CAPN9: variants seen among roughly 807,000 people sequenced by gnomAD.
CAPN9 encodes calpain-9.
In CAPN9, 81 loss-of-function variants were observed where a neutral mutation model predicts 92.8. That is an observed-to-expected ratio of 0.87 (90% CI 0.73 to 1.05). The LOEUF (loss-of-function observed/expected upper bound fraction) is 1.05. Ranked by LOEUF, CAPN9 falls within the 50% of genes least tolerant of loss-of-function variation. The probability of loss-of-function intolerance (pLI) is 0.00; values close to 1 mark genes in which losing one functional copy is unlikely to be tolerated. For missense variants in CAPN9, 848 were observed against 866.2 expected, an observed-to-expected ratio of 0.98 and a Z score of 0.26; for synonymous variants, 304 against 328.0, an observed-to-expected ratio of 0.93 and a Z score of 0.79.
At chr1:230,778,822 T>G in intron 8 of CAPN9, 151 bp from the exon 9 acceptor site, 2 of 620,768 alleles carry the variant, frequency 3.2e-6, no homozygotes, top group Non-Finnish European at 5.3e-6. Context: ...TTTAAAAAAT[T>G]TTCCATCTCC....
chr1:230,773,478 A>G (rs1346212026), intron 7 of CAPN9, among the ~76,000 whole-genome samples: 3 of 152,180 alleles, frequency 2.0e-5, no homozygotes, highest in Non-Finnish European at 4.4e-5. Flanking sequence ...GGACTCACAG[A>G]GGTAGAAATC....
At chr1:230,769,755 CT>C (rs1198122846) in intron 6 of CAPN9, among the ~76,000 whole-genome samples, 4 of 152,170 alleles carry the variant, frequency 2.6e-5, no homozygotes, top group South Asian at 4.2e-4. Flanking sequence ...TCTACCACCC[CT>C]GAGACAGCAA....
chr1:230,751,817 A>C (rs113254499), intron 1 of CAPN9, among the ~76,000 whole-genome samples: 2,869 of 122,312 alleles, frequency 0.023, 99 homozygotes, highest in African/African-American at 0.085. Context: ...CTTGGCCCTT[A>C]GTGCTCCAGG....
intron 13 of CAPN9, among the ~76,000 whole-genome samples, chr1:230,788,036 T>C (rs145101436): frequency 4.6e-5 from 7 of 152,128 alleles, no homozygotes; most frequent in Admixed American, 6.6e-5. Flanking sequence ...AAAAAATAAA[T>C]AATAAAGAGT....
In CAPN9 at chr1:230,780,267, G is replaced by A; in HGVS notation, c.1203G>A (p.Met401Ile). Residue 401 changes from methionine (M) to isoleucine (I), a missense_variant, in exon 10 of 20, where the codon ATG becomes ATA. Met to Ile is a conservative substitution (Grantham distance 10). Transcript: ENST00000271971. ...AGTGTAGTTTCCTTGTAGCCCTGAT[G>A]CAGAAAGATAGAAGGAAACTCAAGA... ...QEECSFLVAL[M>I]QKDRRKLKRF... is the part of the protein sequence containing the mutation. The A allele has an allele frequency of 6.2e-7, 1 of 1,614,058 alleles. No homozygotes were observed. The highest frequency in any genetic ancestry group is 8.5e-7 in the Non-Finnish European group (1 of 1,179,920).
chr1:230,760,238 C>T (rs1665547404), intron 3 of CAPN9, among the ~76,000 whole-genome samples: 1 of 152,114 alleles, frequency 6.6e-6, no homozygotes, highest in Non-Finnish European at 1.5e-5. Flanking sequence ...CTGAAACTTG[C>T]CCCTTGTTCT....
At chr1:230,778,942 C>T in intron 8 of CAPN9, 31 bp from the exon 9 acceptor site, 1 of 1,597,106 alleles carries the variant, frequency 6.3e-7, no homozygotes, top group Non-Finnish European at 8.6e-7. Context: ...TCTTGCCCTC[C>T]TGTGCATCGT....
intron 2 of CAPN9, among the ~76,000 whole-genome samples, chr1:230,756,121 G>C (rs1423737514): frequency 6.6e-6 from 1 of 152,046 alleles, no homozygotes; most frequent in African/African-American, 2.4e-5. Flanking sequence ...TCAGCCTAGA[G>C]AACAAACCAC....
At chr1:230,772,177 G>A (rs1666428927) in intron 7 of CAPN9, 78 bp downstream of exon 7, 1 of 1,203,244 alleles carries the variant, frequency 8.3e-7, no homozygotes, top group Non-Finnish European at 1.2e-6. Flanking sequence ...GACATGTGAA[G>A]GAGTGGCCTG....
rs182013996 is a variant in CAPN9, at chr1:230,765,425, G to A, written c.537-2116G>A. 1.2e-4 allele frequency among the ~76,000 whole-genome samples: 18 copies of A among 152,250 alleles called. No homozygotes were observed. In the East Asian group the frequency reaches 1.7e-3, roughly 15 times the overall value. On this transcript the variant is annotated intron_variant, in intron 4 of 19. Transcript: ENST00000271971. ...TGTAATCCCAGCACTTTGGGAGGCC[G>A]AAGTAGGTGGATCACCTGAGGTCAG... is the stretch of plus-strand genomic sequence containing the variant.
At chr1:230,795,333 C>T in intron 18 of CAPN9, 54 bp downstream of exon 18, 1 of 1,045,854 alleles carries the variant, frequency 9.6e-7, no homozygotes, top group Non-Finnish European at 1.5e-6. Context: ...TTCAGTCACC[C>T]TCCATGAGCG....
Position 230,795,167 on chromosome 1 carries a change from T to C in CAPN9, c.1875T>C (p.Phe625=). The part of the protein sequence containing the change: ...ELRTALKAAG[F]QLSSHLLQLI... ...TCTCCTCCTTTGTCCCCACAGGCTT[T>C]CAGCTGAGCAGCCACCTCCTGCAGC... The change falls in exon 18 of 20, where the codon TTT becomes TTC. Residue 625 remains phenylalanine (F), a synonymous_variant. Coordinates refer to ENST00000271971, the MANE Select transcript of CAPN9 (RefSeq NM_006615.3). The C allele has an allele frequency of 6.2e-7, 1 of 1,609,232 alleles. No homozygotes were observed. The highest frequency in any genetic ancestry group is 8.5e-7 in the Non-Finnish European group (1 of 1,176,292).
rs1322121853 is a variant in CAPN9, at chr1:230,801,806, A to C, written c.*210A>C. ...TACTCCTTTGTAAAGTCACTGCCTT[A>C]AGGGGGCTGATGGCGCCACCTGTGC... On this transcript the variant is annotated 3_prime_UTR_variant, in exon 20 of 20. Transcript: ENST00000271971. The C allele has an allele frequency of 1.4e-5, 8 of 592,196 alleles. No homozygotes were observed. In the East Asian group the frequency reaches 2.2e-4, roughly 16 times the overall value. The allele number at this position is 592,196 out of a possible 1,614,324, so 36.7% of individuals were successfully genotyped here.
In CAPN9 at chr1:230,778,953, G is replaced by T. The variant is rs776047394; in HGVS notation, c.954-20G>T. 2.5e-5 allele frequency: 41 copies of T among 1,608,620 alleles called. No homozygotes were observed. The highest frequency in any genetic ancestry group is 3.4e-5 in the Non-Finnish European group (40 of 1,176,560). ...TCACTCTTGCCCTCCTGTGCATCGT[G>T]TCTCTCCGCTTTGCTGCAGGATGGC... On this transcript the variant is annotated intron_variant, in intron 8 of 19. Transcript: ENST00000271971.
chr1:230,798,265 C>CTG, intron 19 of CAPN9, 45 bp downstream of exon 19: 1 of 1,295,028 alleles, frequency 7.7e-7, no homozygotes, highest in Non-Finnish European at 1.1e-6. Context: ...AGCTGGGGCC[C>CTG]AGCAGAGTCC....
At chr1:230,770,175 A>G (rs528732212) in intron 6 of CAPN9, among the ~76,000 whole-genome samples, 1 of 152,288 alleles carries the variant, frequency 6.6e-6, no homozygotes, top group South Asian at 2.1e-4. Context: ...CTCTCTGCAA[A>G]CTGGAGGCCC....
At chr1:230,780,842 G>C (rs1667169953) in intron 11 of CAPN9, 134 bp downstream of exon 11, 1 of 582,292 alleles carries the variant, frequency 1.7e-6, no homozygotes, top group Non-Finnish European at 2.9e-6. Flanking sequence ...AGGCAGGATG[G>C]TTTCTTTCTT....
chr1:230,757,960 G>A (rs866123052), intron 2 of CAPN9, among the ~76,000 whole-genome samples: 19 of 152,090 alleles, frequency 1.2e-4, no homozygotes, highest in African/African-American at 4.3e-4. Context: ...TCCTCCCATA[G>A]TGCCCTCTGC....
chr1:230,791,979 G>A lies in CAPN9; in HGVS notation c.1722+51G>A, dbSNP rs138311629. 1.0e-4 allele frequency: 135 copies of A among 1,288,568 alleles called. No individual in the cohort carries two copies. In the East Asian group the frequency reaches 2.6e-3, roughly 25 times the overall value. The allele number at this position is 1,288,568 out of a possible 1,614,324, so 79.8% of individuals were successfully genotyped here. On this transcript the variant is annotated intron_variant, in intron 15 of 19. Transcript: ENST00000271971. ...AATAGACATGGATCCTGGGCTTTAA[G>A]CACAGTAGAGTAATCTTCAATAGTG...
Sources: allele counts gnomAD v4.1 joint callset (sites outside exome capture counted in the v4.1 genomes callset), GRCh38; gene constraint gnomAD v4.1.1; transcripts MANE v1.5; gene names NCBI Gene and HGNC (gene_info 2026-07-23, HGNC 2026-07-21).